Variants in MYRIP observed in about 807,000 individuals in gnomAD.
The protein encoded by MYRIP is myosin VIIA and Rab interacting protein, also known as rab effector MyRIP.
MYRIP carries 49 observed loss-of-function variants against 98.0 expected under a neutral mutation model. The ratio of observed to expected loss-of-function variants is 0.50; its 90% CI spans 0.40 to 0.63. MYRIP has a LOEUF of 0.63. Among genes scored for constraint, MYRIP ranks in the 30% least tolerant of loss-of-function variants. The probability of loss-of-function intolerance (pLI) is 0.00; values close to 1 mark genes in which losing one functional copy is unlikely to be tolerated. For missense variants in MYRIP, 1,004 were observed against 1,058.2 expected (o/e 0.95, Z 0.71); for synonymous variants, 404 against 409.5 (o/e 0.99, Z 0.16).
At position 40,210,065 on chromosome 3, in the gene MYRIP, G is replaced by A. The variant is rs1951880127; in HGVS notation, c.1877G>A (p.Ser626Asn). 6.2e-7 allele frequency: 1 copy of A among 1,613,842 alleles called. No individual in the cohort carries two copies. Among genetic ancestry groups the A allele is most frequent in the African/African-American group, 1.3e-5 (1 of 74,924 alleles). Reference protein sequence around the residue: ...QKESLSSEDNSQSVQEELKKK... With the variant: ...QKESLSSEDNNQSVQEELKKK... The stretch of plus-strand genomic sequence containing the variant: ...GAAAGTCTGTCCTCTGAAGACAACA[G>A]CCAGAGTGTCCAGGAAGAGCTGAAG... The change falls in exon 11 of 17, where the codon AGC (serine) becomes AAC (asparagine). Residue 626 changes from serine (S) to asparagine (N), a missense_variant. Transcript: ENST00000302541.
At chr3:39,962,645 T>G (rs1041492818) in intron 2 of MYRIP, among the ~76,000 whole-genome samples, 1 of 152,062 alleles carries the variant, frequency 6.6e-6, no homozygotes, top group African/African-American at 2.4e-5. Context: ...AGTTACTTCT[T>G]CACAAAGCAT....
At chr3:39,988,760 A>G (rs1946100638) in intron 2 of MYRIP, among the ~76,000 whole-genome samples, 1 of 150,870 alleles carries the variant, frequency 6.6e-6, no homozygotes, top group Admixed American at 6.6e-5. Flanking sequence ...TTTCAGCAAG[A>G]TGGTCTTCAA....
intron 1 of MYRIP, among the ~76,000 whole-genome samples, chr3:39,888,132 C>T (rs931083192): frequency 6.6e-6 from 1 of 151,910 alleles, no homozygotes; most frequent in Non-Finnish European, 1.5e-5. Context: ...CAATGCCATC[C>T]CCATCAAGCT....
chr3:40,190,345 C>G lies in MYRIP; in HGVS notation c.1547C>G (p.Ala516Gly). The G allele has an allele frequency of 6.2e-7, 1 of 1,613,918 alleles. No homozygotes were observed. Among genetic ancestry groups the G allele is most frequent in the Non-Finnish European group, 8.5e-7 (1 of 1,179,946 alleles). ...ETSDSSEPEEAPHTTDRRARR... is the reference protein window; with the variant it reads ...ETSDSSEPEEGPHTTDRRARR... ...TCGGACAGCAGCGAGCCGGAGGAGG[C>G]CCCCCACACCACAGACCGGCGGGCC... The change falls in exon 10 of 17, where the codon GCC (alanine) becomes GGC (glycine). Residue 516 changes from alanine (A) to glycine (G), a missense_variant. Transcript: ENST00000302541.
chr3:39,925,324 T>C (rs1365700270), intron 2 of MYRIP, among the ~76,000 whole-genome samples: 1 of 152,100 alleles, frequency 6.6e-6, no homozygotes, highest in Non-Finnish European at 1.5e-5. Flanking sequence ...TGAATATTTC[T>C]TTTTTCATTA....
At chr3:40,157,702 C>A (rs1415018515) in intron 4 of MYRIP, among the ~76,000 whole-genome samples, 1 of 150,752 alleles carries the variant, frequency 6.6e-6, no homozygotes, top group Non-Finnish European at 1.5e-5. Context: ...AGAGATTCAA[C>A]TTCTTCCTGG....
chr3:39,900,743 C>A, intron 1 of MYRIP, 44 bp from the exon 2 acceptor site: 3 of 1,038,494 alleles, frequency 2.9e-6, no homozygotes, highest in East Asian at 2.4e-5. Flanking sequence ...TTGATTTTGT[C>A]CATGTAGAGA....
chr3:39,944,065 A>T (rs1178289534), intron 2 of MYRIP, among the ~76,000 whole-genome samples: 1 of 152,170 alleles, frequency 6.6e-6, no homozygotes, highest in Non-Finnish European at 1.5e-5. Context: ...TGAAAGTACC[A>T]TGTGGTAAAC....
intron 2 of MYRIP, among the ~76,000 whole-genome samples, chr3:39,943,865 T>C (rs1944843865): frequency 6.6e-6 from 1 of 152,148 alleles, no homozygotes; most frequent in Non-Finnish European, 1.5e-5. Context: ...TGGACCCTGA[T>C]CGATTCAATA....
chr3:40,192,330 T>TATATATATATGTCATATATATGTC (rs1951252221), intron 10 of MYRIP, among the ~76,000 whole-genome samples: 1 of 100,088 alleles, frequency 1.0e-5, no homozygotes, highest in African/African-American at 4.4e-5. Context: ...ATATATGTCA[T>TATATATATATGTCATATATATGTC]ATATATATAT....
chr3:39,877,206 C>T (rs1484487449), intron 1 of MYRIP, among the ~76,000 whole-genome samples: 1 of 152,158 alleles, frequency 6.6e-6, no homozygotes, highest in East Asian at 1.9e-4. Context: ...CTCCTTTAAG[C>T]ACTTCTCTGT....
chr3:40,097,625 G>A (rs72856904), intron 3 of MYRIP, among the ~76,000 whole-genome samples: 4,202 of 152,224 alleles, frequency 0.028, 189 homozygotes, highest in African/African-American at 0.088. Flanking sequence ...CCACCTACAC[G>A]CACGAGATCT....
intron 10 of MYRIP, among the ~76,000 whole-genome samples, chr3:40,202,301 C>T (rs1372200609): frequency 2.6e-5 from 4 of 152,160 alleles, no homozygotes; most frequent in East Asian, 1.9e-4. Flanking sequence ...CCTCCTGAAA[C>T]AACCTGGCAG....
At chr3:39,911,467 C>G (rs1944019959) in intron 2 of MYRIP, among the ~76,000 whole-genome samples, 1 of 152,200 alleles carries the variant, frequency 6.6e-6, no homozygotes, top group Admixed American at 6.5e-5. Context: ...TACTTTTCCA[C>G]TGCAAATGCC....
In MYRIP at chr3:40,028,559, G is replaced by A. The variant is rs185936101; in HGVS notation, c.111-15491G>A. On this transcript the variant is annotated intron_variant, in intron 2 of 16. Transcript: ENST00000302541. ...CACATTTAAAACCTCTAGCAACCCT[G>A]TGAAGTAGAAATTATAAGTGCCACT... Among the ~76,000 whole-genome samples, 9 of 152,234 alleles carry A rather than the reference G, an allele frequency of 5.9e-5. No homozygotes were observed. In the East Asian group the frequency reaches 1.4e-3, roughly 23 times the overall value.
chr3:40,126,481 G>A (rs1949527998), intron 3 of MYRIP, among the ~76,000 whole-genome samples: 2 of 152,178 alleles, frequency 1.3e-5, no homozygotes, highest in African/African-American at 2.4e-5. Flanking sequence ...AAACAATGAT[G>A]TTGATGATAA....
At chr3:40,203,272 A>C (rs1951621920) in intron 10 of MYRIP, among the ~76,000 whole-genome samples, 1 of 152,080 alleles carries the variant, frequency 6.6e-6, no homozygotes, top group African/African-American at 2.4e-5. Context: ...AAGCTGAAGA[A>C]TTCAATAAAT....
intron 3 of MYRIP, among the ~76,000 whole-genome samples, chr3:40,082,091 G>C (rs1251584947): frequency 6.6e-6 from 1 of 152,140 alleles, no homozygotes; most frequent in Non-Finnish European, 1.5e-5. Flanking sequence ...AAAGACAAAA[G>C]ATAACAAGTG....
chr3:40,157,206 C>T (rs1421927060), intron 4 of MYRIP, among the ~76,000 whole-genome samples: 10 of 148,344 alleles, frequency 6.7e-5, no homozygotes, highest in Admixed American at 2.0e-4. Context: ...TAGCATGAAG[C>T]GTTGTTGAAT....
Sources: gnomAD v4.1 joint callset for allele counts (sites outside exome capture counted in the v4.1 genomes callset) on GRCh38, gnomAD v4.1.1 for gene constraint, MANE v1.5 for transcripts, NCBI Gene and HGNC (gene_info 2026-07-23, HGNC 2026-07-21) for gene names.